The following DYRK1A variants were observed in gnomAD, a reference collection of about 807,000 sequenced individuals.
The protein encoded by DYRK1A is dual specificity tyrosine phosphorylation regulated kinase 1A.
In DYRK1A, 9 loss-of-function variants were observed where a neutral mutation model predicts 79.7. That is an observed-to-expected ratio of 0.11 (90% CI 0.07 to 0.20). The LOEUF is 0.20. DYRK1A is among the 10% of genes least tolerant of loss of function. The pLI, the probability that DYRK1A is intolerant of heterozygous loss-of-function variation, is 1.00. For synonymous variants in DYRK1A, 349 were observed against 329.7 expected, an observed-to-expected ratio of 1.06 and a Z score of -0.63; for missense variants, 622 against 956.0, an observed-to-expected ratio of 0.65 and a Z score of 4.61.
At position 37,433,630 on chromosome 21, in the gene DYRK1A, T is replaced by G. The variant is rs62222277; in HGVS notation, c.10+13246T>G. Reference sequence around the variant, plus strand: ...AGTTTAAAGGGCTGAGATTGAGTCTTTCAGGGAATGGATTAAATACTTTGG... The same window carrying G: ...AGTTTAAAGGGCTGAGATTGAGTCTGTCAGGGAATGGATTAAATACTTTGG... On this transcript the variant is annotated intron_variant, in intron 2 of 11. Coordinates refer to ENST00000647188, the MANE Select transcript of DYRK1A (RefSeq NM_001347721.2). 5.0e-3 allele frequency among the ~76,000 whole-genome samples: 768 copies of G among 152,360 alleles called. 7 individuals carry two copies. The highest frequency in any genetic ancestry group is 8.7e-3 in the Non-Finnish European group (594 of 68,030).
At chr21:37,379,794 T>C (rs971929824) in intron 1 of DYRK1A, among the ~76,000 whole-genome samples, 13 of 152,248 alleles carry the variant, frequency 8.5e-5, no homozygotes, top group African/African-American at 2.2e-4. Flanking sequence ...TATTTTTTCA[T>C]GTATCCTAAT....
chr21:37,462,299 A>G (rs1315544259), intron 2 of DYRK1A, among the ~76,000 whole-genome samples: 2 of 152,074 alleles, frequency 1.3e-5, no homozygotes, highest in Non-Finnish European at 2.9e-5. Flanking sequence ...AGAGTGTTGA[A>G]TGTCGTCCTG....
chr21:37,469,069 C>T (rs2052132264), intron 2 of DYRK1A, among the ~76,000 whole-genome samples: 1 of 152,124 alleles, frequency 6.6e-6, no homozygotes, highest in Admixed American at 6.5e-5. Context: ...CAAAAATGCT[C>T]AGAGTAACTA....
intron 8 of DYRK1A, among the ~76,000 whole-genome samples, chr21:37,494,960 A>G (rs62873363): frequency 2.2e-5 from 3 of 138,088 alleles, no homozygotes; most frequent in South Asian, 2.3e-4. Context: ...AAAAAAAAAA[A>G]TTGTGTGTTT....
At chr21:37,431,938 AG>A (rs1202275005) in intron 2 of DYRK1A, among the ~76,000 whole-genome samples, 1 of 152,192 alleles carries the variant, frequency 6.6e-6, no homozygotes, top group East Asian at 1.9e-4. Flanking sequence ...GAAGTTGCTA[AG>A]AAAGGTGACA....
At chr21:37,402,885 C>G (rs529077316) in intron 1 of DYRK1A, among the ~76,000 whole-genome samples, 1 of 152,250 alleles carries the variant, frequency 6.6e-6, no homozygotes, top group Admixed American at 6.5e-5. Context: ...GCCTTAGCCT[C>G]CCAAGTAGCT....
intron 11 of DYRK1A, among the ~76,000 whole-genome samples, chr21:37,510,149 A>G (rs2053709181): frequency 6.6e-6 from 1 of 152,226 alleles, no homozygotes; most frequent in African/African-American, 2.4e-5. Context: ...TCACACATAG[A>G]CATTTTATCT....
chr21:37,516,603 A>G lies in DYRK1A; in HGVS notation c.*4072A>G, dbSNP rs2053883148. 1 of 152,206 alleles carries G rather than the reference A, an allele frequency of 6.6e-6. No individual in the cohort carries two copies. Among genetic ancestry groups the G allele is most frequent in the Admixed American group, 6.5e-5 (1 of 15,282 alleles). The allele number at this position is 152,206 out of a possible 1,614,324, so 9.4% of individuals were successfully genotyped here. A position where few individuals can be genotyped will look rare whatever the true frequency, so the allele number is the denominator to read the frequency against. On this transcript the variant is annotated 3_prime_UTR_variant, in exon 12 of 12. Coordinates refer to ENST00000647188, the MANE Select transcript of DYRK1A (RefSeq NM_001347721.2). ...GCCTACTGGGCTTTCACCCTGGACC[A>G]GGAATTTTTGACGTATGCCTGTGTT...
intron 1 of DYRK1A, among the ~76,000 whole-genome samples, chr21:37,406,390 C>T (rs2050146250): frequency 6.6e-6 from 1 of 152,108 alleles, no homozygotes; most frequent in Non-Finnish European, 1.5e-5. Context: ...CCCTCACCAC[C>T]TTCTTGAAAA....
At chr21:37,439,772 A>G (rs999307244) in intron 2 of DYRK1A, among the ~76,000 whole-genome samples, 3 of 152,116 alleles carry the variant, frequency 2.0e-5, no homozygotes, top group Admixed American at 1.3e-4. Context: ...GATACCTTCT[A>G]TTTCTAGTTA....
intron 2 of DYRK1A, among the ~76,000 whole-genome samples, chr21:37,449,719 C>T (rs2051384664): frequency 2.6e-5 from 4 of 152,122 alleles, no homozygotes; most frequent in Admixed American, 2.6e-4. Flanking sequence ...TTCGTTTTTG[C>T]TTTTCCTTTT....
intron 1 of DYRK1A, among the ~76,000 whole-genome samples, chr21:37,401,784 A>G (rs902828461): frequency 3.3e-5 from 5 of 152,100 alleles, no homozygotes; most frequent in African/African-American, 1.2e-4. Flanking sequence ...CGCCCAGCCA[A>G]TTCTAGTTCT....
At chr21:37,453,071 A>G (rs2051511521) in intron 2 of DYRK1A, among the ~76,000 whole-genome samples, 1 of 152,164 alleles carries the variant, frequency 6.6e-6, no homozygotes, top group African/African-American at 2.4e-5. Context: ...TGCTTGCACC[A>G]TTGCACTCCA....
At chr21:37,509,779 C>G (rs969295655) in intron 11 of DYRK1A, among the ~76,000 whole-genome samples, 1 of 152,208 alleles carries the variant, frequency 6.6e-6, no homozygotes, top group Non-Finnish European at 1.5e-5. Context: ...TTACTATTTA[C>G]AAATGGTAGT....
At chr21:37,469,995 A>G (rs1409888605) in intron 2 of DYRK1A, among the ~76,000 whole-genome samples, 2 of 152,128 alleles carry the variant, frequency 1.3e-5, no homozygotes, top group Non-Finnish European at 2.9e-5. Flanking sequence ...AATACAAAAA[A>G]TTAGCCAGCG....
rs547981515 is a variant in DYRK1A at position 37,448,325 on chromosome 21, A to AT, written c.11-24351dup. ...ATTACTGGTATTTTAAATTTTTACA[A>AT]TTTTTTTTAAAAACTCTTGTTCTGG... On this transcript the variant is annotated intron_variant, in intron 2 of 11. Transcript: ENST00000647188. Among the ~76,000 whole-genome samples, 143 of 152,144 alleles carry AT rather than the reference A, an allele frequency of 9.4e-4. 1 individual carries two copies. The highest frequency in any genetic ancestry group is 5.8e-3 in the South Asian group (28 of 4,828).
intron 1 of DYRK1A, among the ~76,000 whole-genome samples, chr21:37,398,704 A>G (rs879870051): frequency 1.3e-5 from 2 of 152,220 alleles, no homozygotes; most frequent in Admixed American, 6.5e-5. Context: ...GTCTGCCCGT[A>G]TGGAAGTTAC....
At chr21:37,391,669 T>G (rs1473798132) in intron 1 of DYRK1A, among the ~76,000 whole-genome samples, 1 of 152,234 alleles carries the variant, frequency 6.6e-6, no homozygotes, top group Non-Finnish European at 1.5e-5. Flanking sequence ...ACGATTCTCC[T>G]TTGTATGGAA....
At chr21:37,437,923 T>A (rs946013569) in intron 2 of DYRK1A, among the ~76,000 whole-genome samples, 1 of 152,232 alleles carries the variant, frequency 6.6e-6, no homozygotes, top group African/African-American at 2.4e-5. Context: ...AAGAAACTGC[T>A]AAATGGTTTT....
Sources: gnomAD v4.1 joint callset for allele counts (sites outside exome capture counted in the v4.1 genomes callset) on GRCh38, gnomAD v4.1.1 for gene constraint, MANE v1.5 for transcripts, NCBI Gene and HGNC (gene_info 2026-07-23, HGNC 2026-07-21) for gene names.